CPNE4: variants seen among roughly 807,000 people sequenced by gnomAD.
The protein encoded by CPNE4 is copine-4.
CPNE4 carries 25 observed loss-of-function variants against 67.9 expected under a neutral mutation model. That is an observed-to-expected ratio of 0.37 (90% confidence interval 0.27 to 0.51). The LOEUF is 0.51. Among genes scored for constraint, CPNE4 ranks in the 20% least tolerant of loss-of-function variants. CPNE4 has a pLI of 0.93. For missense variants in CPNE4, 464 were observed against 690.8 expected, an observed-to-expected ratio of 0.67 and a Z score of 3.68; for synonymous variants, 242 against 244.9, an observed-to-expected ratio of 0.99 and a Z score of 0.11.
intron 7 of CPNE4, among the ~76,000 whole-genome samples, chr3:131,616,938 C>T (rs547205920): frequency 7.0e-4 from 106 of 152,234 alleles, no homozygotes; most frequent in African/African-American, 2.5e-3. Flanking sequence ...TCAGGTCCAT[C>T]GGGGATAATG....
chr3:131,849,098 T>C (rs2086132196), intron 2 of CPNE4, among the ~76,000 whole-genome samples: 1 of 152,076 alleles, frequency 6.6e-6, no homozygotes, highest in Admixed American at 6.6e-5. Flanking sequence ...GATTTCATCA[T>C]TGGTTTTAGT....
At chr3:131,717,799 A>T (rs1191840265) in intron 3 of CPNE4, among the ~76,000 whole-genome samples, 1 of 151,820 alleles carries the variant, frequency 6.6e-6, no homozygotes, top group Non-Finnish European at 1.5e-5. Context: ...CCTGCCATCC[A>T]CCGTTTATGG....
At chr3:132,012,929 T>C (rs944359177) in intron 1 of CPNE4, among the ~76,000 whole-genome samples, 3 of 152,092 alleles carry the variant, frequency 2.0e-5, no homozygotes, top group Admixed American at 6.6e-5. Flanking sequence ...TATTTAAGAA[T>C]TCATGTATCT....
chr3:131,792,735 GTGTATATATGTATATATATACACACAC>G (rs2083799743), intron 2 of CPNE4, among the ~76,000 whole-genome samples: 1 of 84,288 alleles, frequency 1.2e-5, no homozygotes, highest in Non-Finnish European at 2.8e-5. Flanking sequence ...ATATACACGT[GTGTATATATGTATATATATACACACAC>G]TATATATGTA....
intron 2 of CPNE4, among the ~76,000 whole-genome samples, chr3:131,860,771 A>G (rs2086646214): frequency 6.6e-6 from 1 of 152,216 alleles, no homozygotes; most frequent in African/African-American, 2.4e-5. Flanking sequence ...TCTGTGTGCC[A>G]ATCAATGCAA....
At chr3:131,921,854 ATAGACATGCTTTGGTCCAAAC>A (rs1191335576) in intron 1 of CPNE4, among the ~76,000 whole-genome samples, 1 of 152,200 alleles carries the variant, frequency 6.6e-6, no homozygotes, top group Non-Finnish European at 1.5e-5. Flanking sequence ...CCCAGAGAAG[ATAGACATGCTTTGGTCCAAAC>A]TAGAGAGAAG....
intron 2 of CPNE4, among the ~76,000 whole-genome samples, chr3:131,740,800 T>C (rs575905423): frequency 6.6e-6 from 1 of 152,300 alleles, no homozygotes; most frequent in African/African-American, 2.4e-5. Flanking sequence ...TTCATTGTAA[T>C]CTTTAAAGTC....
chr3:131,813,162 A>T (rs2084600626), intron 2 of CPNE4, among the ~76,000 whole-genome samples: 1 of 152,086 alleles, frequency 6.6e-6, no homozygotes. Context: ...TATTCCGATA[A>T]AAATGGGAGA....
At chr3:131,895,999 A>G (rs1045127781) in intron 2 of CPNE4, among the ~76,000 whole-genome samples, 3 of 151,996 alleles carry the variant, frequency 2.0e-5, no homozygotes, top group African/African-American at 7.2e-5. Context: ...GGATCACTTT[A>G]AGAATGTTCC....
At chr3:131,728,663 C>T (rs113875459) in intron 2 of CPNE4, among the ~76,000 whole-genome samples, 1 of 152,022 alleles carries the variant, frequency 6.6e-6, no homozygotes, top group Non-Finnish European at 1.5e-5. Flanking sequence ...ATAATCCCAG[C>T]ACTTTGGGAG....
At chr3:131,604,712 A>G (rs1159066476) in intron 7 of CPNE4, among the ~76,000 whole-genome samples, 1 of 152,014 alleles carries the variant, frequency 6.6e-6, no homozygotes, top group Non-Finnish European at 1.5e-5. Flanking sequence ...CAGCCTGCAG[A>G]TGGCTGTTGT....
rs191968757 is a variant in CPNE4, at chr3:131,998,506, C to A, written c.-2+36061G>T. Among the ~76,000 whole-genome samples, 4 of 152,208 alleles carry A rather than the reference C, an allele frequency of 2.6e-5. No individual in the cohort carries two copies. In the East Asian group the frequency reaches 7.7e-4, roughly 29 times the overall value. ...ATCAAGCCATGTAGGATGGATGCTGCGAATCCCCAGCTGTGACCCATTTTA... is the reference window on the plus strand; with the variant it reads ...ATCAAGCCATGTAGGATGGATGCTGAGAATCCCCAGCTGTGACCCATTTTA... On this transcript the variant is annotated intron_variant, in intron 1 of 15. Transcript: ENST00000429747.
intron 1 of CPNE4, among the ~76,000 whole-genome samples, chr3:132,008,617 G>A (rs2073667577): frequency 6.6e-6 from 1 of 152,142 alleles, no homozygotes; most frequent in African/African-American, 2.4e-5. Flanking sequence ...GGGCATGAAT[G>A]TGCACAGACG....
intron 1 of CPNE4, among the ~76,000 whole-genome samples, chr3:131,975,502 C>G (rs1380708720): frequency 6.6e-6 from 1 of 152,220 alleles, no homozygotes; most frequent in African/African-American, 2.4e-5. Context: ...AAAACTATGA[C>G]AAGCCCTGAG....
At chr3:131,730,713 T>C (rs1363569591) in intron 2 of CPNE4, among the ~76,000 whole-genome samples, 4 of 152,168 alleles carry the variant, frequency 2.6e-5, no homozygotes, top group Non-Finnish European at 4.4e-5. Context: ...TGCAATCTCT[T>C]GTTCCTCAGC....
chr3:131,824,393 G>C (rs756795935), intron 2 of CPNE4, among the ~76,000 whole-genome samples: 2 of 152,146 alleles, frequency 1.3e-5, no homozygotes, highest in East Asian at 3.8e-4. Flanking sequence ...CTTACCAGGG[G>C]ACTCGAGTAT....
chr3:131,944,483 T>C (rs1210136776), intron 1 of CPNE4, among the ~76,000 whole-genome samples: 1 of 151,966 alleles, frequency 6.6e-6, no homozygotes, highest in Non-Finnish European at 1.5e-5. Flanking sequence ...AATATTTCAC[T>C]CTCCACAACA....
At chr3:131,833,467 G>A (rs1259651060) in intron 2 of CPNE4, among the ~76,000 whole-genome samples, 6 of 152,272 alleles carry the variant, frequency 3.9e-5, no homozygotes, top group Admixed American at 3.3e-4. Flanking sequence ...GCCCAGGCAG[G>A]CGGATCACTT....
At chr3:131,918,014 G>A (rs369209818) in intron 1 of CPNE4, among the ~76,000 whole-genome samples, 8 of 152,190 alleles carry the variant, frequency 5.3e-5, no homozygotes, top group East Asian at 1.9e-4. Flanking sequence ...AGCATTTTTG[G>A]GTAATTATGT....
Sources: gnomAD v4.1 joint callset for allele counts (sites outside exome capture counted in the v4.1 genomes callset) on GRCh38, gnomAD v4.1.1 for gene constraint, MANE v1.5 for transcripts, NCBI Gene and HGNC (gene_info 2026-07-23, HGNC 2026-07-21) for gene names.